EVPL: variants seen among roughly 807,000 people sequenced by gnomAD.
EVPL encodes the protein 210 kDa cornified envelope precursor protein.
Under a neutral mutation model 129.7 loss-of-function variants are expected in EVPL, and 94 were observed. That is an observed-to-expected ratio of 0.72 (90% CI 0.61 to 0.86). The LOEUF (loss-of-function observed/expected upper bound fraction) is 0.86. Among genes scored for constraint, EVPL ranks in the 40% least tolerant of loss-of-function variants. The probability of loss-of-function intolerance (pLI) is 0.00; values close to 1 mark genes in which losing one functional copy is unlikely to be tolerated. For missense variants in EVPL, 2,625 were observed against 2,721.1 expected, an observed-to-expected ratio of 0.96 and a Z score of 0.79; for synonymous variants, 1,172 against 1,191.1, an observed-to-expected ratio of 0.98 and a Z score of 0.33.
chr17:76,024,370 C>T lies in EVPL; in HGVS notation c.99-250G>A, dbSNP rs1267611370. Among the ~76,000 whole-genome samples, 8 of 152,272 alleles carry T rather than the reference C, an allele frequency of 5.3e-5. No individual in the cohort carries two copies. Among genetic ancestry groups the T allele is most frequent in the Non-Finnish European group, 8.8e-5 (6 of 68,006 alleles). ...TGTGTGGTGCTGGGGAGGGGGCAGG[C>T]GGCCTCGGTGTCCCAGCCTTAGCCA... On this transcript the variant is annotated intron_variant, in intron 1 of 21. Transcript: ENST00000301607. The surrounding 1 kb of genome is among the most constrained non-coding windows in gnomAD (Gnocchi z 4.5).
At position 76,023,600 on chromosome 17, in the gene EVPL, G is replaced by A. The variant is rs773551297; in HGVS notation, c.253C>T (p.Arg85Cys). The A allele has an allele frequency of 1.7e-5, 28 of 1,610,662 alleles. No homozygotes were observed. Among genetic ancestry groups the A allele is most frequent in the Non-Finnish European group, 9.3e-6 (11 of 1,179,170 alleles). ...AGCACCTCAGCCTCCTTCAGGCTGC[G>A]GCCCGTCTCCTGCTGGTGCTGCAGG... ...QALQHQQETG[R>C]SLKEAEVLLK... The change falls in exon 3 of 22, where the codon CGC becomes TGC. Residue 85 changes from arginine (R) to cysteine (C), a missense_variant. Transcript: ENST00000301607.
rs1400301359 is a variant in EVPL, at chr17:76,008,715, C to T, written c.4490G>A (p.Arg1497Gln). The change falls in exon 22 of 22, where the codon CGG becomes CAG. Residue 1497 changes from arginine (R) to glutamine (Q), a missense_variant. Physicochemically the swap from Arg to Gln is conservative, Grantham distance 43. This residue lies in a region of EVPL where 1,453 missense variants were observed against 1,511.8 expected (regional missense o/e 0.96). Transcript: ENST00000301607. This position sits in a 1 kb window ranked among gnomAD's most constrained non-coding sequence, Gnocchi z 7.4. ...CTGGACCTGCAGGTTCTTGCACTCC[C>T]GATTCAGCTCGGTTACCTGGGTCTT... ...QEKTQVTELNRECKNLQVQID... is the reference protein window; with the variant it reads ...QEKTQVTELNQECKNLQVQID... The T allele has an allele frequency of 4.3e-6, 7 of 1,613,690 alleles. No individual in the cohort carries two copies. The highest frequency in any genetic ancestry group is 2.2e-5 in the South Asian group (2 of 91,084).
chr17:76,011,714 C>T, intron 20 of EVPL, 46 bp from the exon 21 acceptor site: 1 of 1,611,834 alleles, frequency 6.2e-7, no homozygotes, highest in Non-Finnish European at 8.5e-7. Flanking sequence ...CAGCTCCTGC[C>T]TTGGACCCTA....
Position 76,021,685 on chromosome 17 carries a change from C to T in EVPL, c.904G>A (p.Gly302Arg). Residue 302 changes from glycine (G) to arginine (R), a missense_variant, in exon 8 of 22, where the codon GGG becomes AGG. Gly to Arg is a moderately radical substitution (Grantham distance 125). This residue lies in a region of EVPL where 1,024 missense variants were observed against 997.5 expected (regional missense o/e 1.03). Transcript: ENST00000301607. Reference sequence around the variant, plus strand: ...CTGCCCCAGCGCACCTGGATGGGCCCCACCGCGGGGTGCCGCAGCTCCACC... The same window carrying T: ...CTGCCCCAGCGCACCTGGATGGGCCTCACCGCGGGGTGCCGCAGCTCCACC... ...RMVELRHPAV[G>R]PIQAHQEALK... 6.5e-7 allele frequency: 1 copy of T among 1,544,716 alleles called. No homozygotes were observed. Among genetic ancestry groups the T allele is most frequent in the Non-Finnish European group, 8.8e-7 (1 of 1,140,742 alleles).
chr17:76,021,319 G>A (rs1188285684), intron 9 of EVPL, 149 bp downstream of exon 9: 2 of 700,554 alleles, frequency 2.9e-6, no homozygotes, highest in East Asian at 5.5e-5. Flanking sequence ...GCCTCCCAAA[G>A]TGCTGGGATT....
intron 21 of EVPL, among the ~76,000 whole-genome samples, chr17:76,011,170 G>C (rs1420218967): frequency 6.6e-6 from 1 of 152,260 alleles, no homozygotes; most frequent in Non-Finnish European, 1.5e-5. Context: ...GTGGCCGAGG[G>C]TAACAGAAAA....
At position 76,013,417 on chromosome 17, in the gene EVPL, C is replaced by T. The variant is rs1189510512; in HGVS notation, c.2373+1009G>A. Among the ~76,000 whole-genome samples, 1 of 152,162 alleles carries T rather than the reference C, an allele frequency of 6.6e-6. No individual in the cohort carries two copies. Among genetic ancestry groups the T allele is most frequent in the Non-Finnish European group, 1.5e-5 (1 of 68,032 alleles). Reference sequence around the variant, plus strand: ...GCCCCAGTTCCCTCCCATATGCCTACGTCCACCTCCCCGCTGCCCTCGGCT... The same window carrying T: ...GCCCCAGTTCCCTCCCATATGCCTATGTCCACCTCCCCGCTGCCCTCGGCT... On this transcript the variant is annotated intron_variant, in intron 18 of 21. Coordinates refer to ENST00000301607, the MANE Select transcript of EVPL (RefSeq NM_001988.4). The surrounding 1 kb of genome is among the most constrained non-coding windows in gnomAD (Gnocchi z 4.3).
In EVPL at chr17:76,009,526, C is replaced by T; in HGVS notation, c.3679G>A (p.Val1227Met). The change falls in exon 22 of 22, where the codon GTG (valine) becomes ATG (methionine). Residue 1227 changes from valine (V) to methionine (M), a missense_variant. By Grantham distance (21) the Val-to-Met change is conservative. Transcript: ENST00000301607. The surrounding 1 kb of genome is among the most constrained non-coding windows in gnomAD (Gnocchi z 5.9). ...LQEMAGKRSGVEKEVEKLLPD... is the reference protein window; with the variant it reads ...LQEMAGKRSGMEKEVEKLLPD... Reference sequence around the variant, plus strand: ...AGCAGCTTCTCCACCTCCTTCTCCACACCGCTCCTCTTGCCCGCCATCTCC... The same window carrying T: ...AGCAGCTTCTCCACCTCCTTCTCCATACCGCTCCTCTTGCCCGCCATCTCC... 1.9e-6 allele frequency: 3 copies of T among 1,614,144 alleles called. No homozygotes were observed. The highest frequency in any genetic ancestry group is 1.6e-4 in the Middle Eastern group (1 of 6,062).
intron 11 of EVPL, 118 bp from the exon 12 acceptor site, chr17:76,018,718 G>A: frequency 7.9e-7 from 1 of 1,268,794 alleles, no homozygotes. Context: ...AGGGACAAGA[G>A]TAGGGTGGGA....
chr17:76,019,276 C>T (rs563679573), intron 10 of EVPL, among the ~76,000 whole-genome samples: 1 of 152,222 alleles, frequency 6.6e-6, no homozygotes, highest in African/African-American at 2.4e-5. Context: ...GGCCACCAAG[C>T]AGAAGCTAGA....
rs116295622 is a variant in EVPL at position 76,018,172 on chromosome 17, G to T, written c.1526C>A (p.Pro509His). 1 of 1,550,988 alleles carries T rather than the reference G, an allele frequency of 6.4e-7. No homozygotes were observed. The highest frequency in any genetic ancestry group is 1.2e-5 in the South Asian group (1 of 84,060). ...GCCACCCTGGGTACCCTGCTGGCTG[G>T]GCCGAAGAGACTCCACAGCACTGGC... ...LKASAVESLR[P>H]SQQAPSGSDL... The change falls in exon 13 of 22, where the codon CCC becomes CAC. Residue 509 changes from proline (P) to histidine (H), a missense_variant. By Grantham distance (77) the Pro-to-His change is moderately conservative. Coordinates refer to ENST00000301607, the MANE Select transcript of EVPL (RefSeq NM_001988.4).
rs1252313480 is a variant in EVPL at position 76,010,512 on chromosome 17, T to C, written c.2693A>G (p.His898Arg). ...KELSEDIRRT[H>R]DAKQGSESPA... ...GCTCTCGGAGCCCTGCTTTGCATCA[T>C]GGGTCCTTCGGATGTCCTCACTGAG... The change falls in exon 22 of 22, where the codon CAT becomes CGT. Residue 898 changes from histidine (H) to arginine (R), a missense_variant. Transcript: ENST00000301607. The C allele has an allele frequency of 6.2e-7, 1 of 1,613,628 alleles. No individual in the cohort carries two copies. The highest frequency in any genetic ancestry group is 1.3e-5 in the African/African-American group (1 of 74,830).
chr17:76,016,922 C>T (rs1377130143), intron 14 of EVPL, among the ~76,000 whole-genome samples: 1 of 147,410 alleles, frequency 6.8e-6, no homozygotes, highest in Non-Finnish European at 1.5e-5. Flanking sequence ...TCTCATAAAA[C>T]AAAAAACAGA....
At chr17:76,023,132 G>A (rs2066474020) in intron 4 of EVPL, among the ~76,000 whole-genome samples, 160 bp downstream of exon 4, 1 of 152,010 alleles carries the variant, frequency 6.6e-6, no homozygotes, top group East Asian at 1.9e-4. Flanking sequence ...CCTCCTGCAG[G>A]AAGTCTTCCC....
In EVPL at chr17:76,022,077, G is replaced by C. The variant is rs953220272; in HGVS notation, c.646-49C>G. Reference sequence around the variant, plus strand: ...CAGCAGGGTGGGGAGACAGAAAGTGGGGGGCAAAAGGCGCCATTGGGCCGC... The same window carrying C: ...CAGCAGGGTGGGGAGACAGAAAGTGCGGGGCAAAAGGCGCCATTGGGCCGC... On this transcript the variant is annotated intron_variant, in intron 6 of 21. Transcript: ENST00000301607. The surrounding 1 kb of genome is among the most constrained non-coding windows in gnomAD (Gnocchi z 5.6). 1 of 1,563,418 alleles carries C rather than the reference G, an allele frequency of 6.4e-7. No homozygotes were observed. Among genetic ancestry groups the C allele is most frequent in the African/African-American group, 1.4e-5 (1 of 73,574 alleles).
intron 14 of EVPL, among the ~76,000 whole-genome samples, chr17:76,017,466 G>C (rs1373531461): frequency 1.3e-5 from 2 of 152,162 alleles, no homozygotes; most frequent in Non-Finnish European, 2.9e-5. Flanking sequence ...GGCCCTACTG[G>C]AACCTTCCTG....
At chr17:76,016,192 C>T (rs950295232) in intron 14 of EVPL, among the ~76,000 whole-genome samples, 11 of 152,140 alleles carry the variant, frequency 7.2e-5, no homozygotes, top group Admixed American at 3.9e-4. Flanking sequence ...GAGGATGACA[C>T]AAGAGCCTGT....
intron 14 of EVPL, among the ~76,000 whole-genome samples, 186 bp downstream of exon 14, chr17:76,017,553 A>G (rs1253120920): frequency 1.3e-5 from 2 of 152,204 alleles, no homozygotes; most frequent in Non-Finnish European, 2.9e-5. Context: ...TATGTAGTCC[A>G]AGATCCTGGA....
intron 10 of EVPL, 129 bp downstream of exon 10, chr17:76,019,399 C>G (rs1676223245): frequency 1.6e-6 from 2 of 1,240,796 alleles, no homozygotes; most frequent in Admixed American, 5.8e-5. Context: ...AGAGTAAACC[C>G]CCCTGCCAGC....
Sources: allele counts gnomAD v4.1 joint callset (sites outside exome capture counted in the v4.1 genomes callset), GRCh38; gene constraint gnomAD v4.1.1; regional missense constraint gnomAD v4.1.1; non-coding constraint Gnocchi (gnomAD v3.1); transcripts MANE v1.5; gene names NCBI Gene and HGNC (gene_info 2026-07-23, HGNC 2026-07-21).